The following TP53I13 variants were observed in gnomAD, a reference collection of about 807,000 sequenced individuals.
TP53I13 encodes the protein tumor protein p53 inducible protein 13.
In TP53I13, 27 loss-of-function variants were observed where a neutral mutation model predicts 39.1. The ratio of observed to expected loss-of-function variants is 0.69; its 90% CI spans 0.51 to 0.95. The LOEUF (loss-of-function observed/expected upper bound fraction) is 0.95. Ranked by LOEUF, TP53I13 falls within the 40% of genes least tolerant of loss-of-function variation. TP53I13 has a pLI of 0.00. For synonymous variants in TP53I13, 230 were observed against 224.6 expected (o/e 1.02, Z -0.22); for missense variants, 544 against 520.4 (o/e 1.05, Z -0.44).
At chr17:29,566,704 C>G (rs1019309102), upstream of TP53I13, 1 of 1,582,338 alleles carries the variant, frequency 6.3e-7, no homozygotes, top group Non-Finnish European at 8.5e-7. Flanking sequence ...CTCTGAGCGC[C>G]GCAGGGCGCG....
chr17:29,576,117 G>A (rs1598564795), downstream of TP53I13: 6 of 1,613,760 alleles, frequency 3.7e-6, no homozygotes, highest in South Asian at 1.1e-5. Context: ...AATAGATGGC[G>A]TCGTCCTCTA....
At chr17:29,566,355 GGGGCTGACCAGTGGGCAACCGT>G (rs778740691), upstream of TP53I13, 1 of 1,610,978 alleles carries the variant, frequency 6.2e-7, no homozygotes, top group Non-Finnish European at 8.5e-7. Context: ...GCTGCAGCCG[GGGGCTGACCAGTGGGCAACCGT>G]GGTGGCCGCG....
intron 3 of TP53I13, chr17:29,569,894 C>A (rs1212761150): frequency 6.6e-6 from 1 of 152,156 alleles, no homozygotes; most frequent in Non-Finnish European, 1.5e-5. Flanking sequence ...ATCGCCAGCT[C>A]CTCTGAATTT....
chr17:29,571,666 GCTTGTATGGCTAA>G lies in TP53I13; in HGVS notation c.261_273del (p.Cys88LeufsTer17). ...GCTCCAGCTTGCCCTCCTGGCCTAT[GCTTGTATGGCTAA>G]CCCTTCCCTCACCCCTGACTTCAGC... On this transcript the variant is annotated frameshift_variant, in exon 4 of 7. Transcript: ENST00000301057. LOFTEE classifies it high-confidence loss of function. 6.2e-7 allele frequency: 1 copy of G among 1,614,180 alleles called. No homozygotes were observed. The highest frequency in any genetic ancestry group is 8.5e-7 in the Non-Finnish European group (1 of 1,180,030).
chr17:29,576,000 C>T (rs1270467999), downstream of TP53I13: 9 of 1,563,982 alleles, frequency 5.8e-6, no homozygotes, highest in Admixed American at 3.3e-5. The surrounding 1 kb of genome is among the most constrained non-coding windows in gnomAD (Gnocchi z 5.5). Flanking sequence ...TCTTAAGCCC[C>T]GAATTCAGCA....
chr17:29,569,407 C>T (rs1315672086), intron 3 of TP53I13, 48 bp downstream of exon 3: 1 of 1,593,644 alleles, frequency 6.3e-7, no homozygotes, highest in African/African-American at 1.3e-5. Context: ...CGCCTGGAGA[C>T]AGGCGCTCCT....
the TP53I13 span, chr17:29,581,768 G>A: frequency 6.2e-7 from 1 of 1,611,088 alleles, no homozygotes; most frequent in South Asian, 1.1e-5. This position sits in a 1 kb window ranked among gnomAD's most constrained non-coding sequence, Gnocchi z 4.8. Flanking sequence ...GAGGTAGAAG[G>A]CCAGCCGGTC....
Position 29,572,986 on chromosome 17 carries a change from G to A in TP53I13, c.*62G>A. 7.7e-7 allele frequency: 1 copy of A among 1,305,556 alleles called. No individual in the cohort carries two copies. Among genetic ancestry groups the A allele is most frequent in the Non-Finnish European group, 9.8e-7 (1 of 1,017,312 alleles). The allele number at this position is 1,305,556 out of a possible 1,614,324, so 80.9% of individuals were successfully genotyped here. A position where few individuals can be genotyped will look rare whatever the true frequency, so the allele number is the denominator to read the frequency against. ...CCCGCGCCGCGAGGCCGCGACCTCTGCCACGTGGACCGCGCGCGGGGCGCT... is the reference window on the plus strand; with the variant it reads ...CCCGCGCCGCGAGGCCGCGACCTCTACCACGTGGACCGCGCGCGGGGCGCT... On this transcript the variant is annotated 3_prime_UTR_variant, in exon 7 of 7. Transcript: ENST00000301057.
downstream of TP53I13, chr17:29,574,608 G>A (rs780439070): frequency 1.9e-6 from 2 of 1,070,062 alleles, no homozygotes; most frequent in Non-Finnish European, 2.9e-6. Context: ...ACTTGTGCCA[G>A]TGGCTCTGTT....
At chr17:29,575,052 T>C, downstream of TP53I13, 1 of 1,556,522 alleles carries the variant, frequency 6.4e-7, no homozygotes. The surrounding 1 kb of genome is among the most constrained non-coding windows in gnomAD (Gnocchi z 5.5). Flanking sequence ...GCCCTCCCAC[T>C]CCTGGTCCTC....
chr17:29,567,700 TG>T (rs1317329162), upstream of TP53I13, among the ~76,000 whole-genome samples: 13 of 151,438 alleles, frequency 8.6e-5, no homozygotes, highest in African/African-American at 3.2e-4. The surrounding 1 kb of genome is among the most constrained non-coding windows in gnomAD (Gnocchi z 6.6). Context: ...AGCCCGGGAG[TG>T]GCTTCCCCAG....
chr17:29,574,687 G>A (rs764101068), downstream of TP53I13: 69 of 1,596,244 alleles, frequency 4.3e-5, no homozygotes, highest in African/African-American at 6.7e-5. Flanking sequence ...GCAGGTGAGG[G>A]TGTGGGGAGA....
chr17:29,575,825 C>T (rs1256304192), downstream of TP53I13: 35 of 1,612,568 alleles, frequency 2.2e-5, no homozygotes, highest in Non-Finnish European at 2.8e-5. This position sits in a 1 kb window ranked among gnomAD's most constrained non-coding sequence, Gnocchi z 5.5. Context: ...GTGGCGGCTT[C>T]CCTCCTGGGA....
At chr17:29,582,096 G>A in the TP53I13 span, 1 of 1,602,900 alleles carries the variant, frequency 6.2e-7, no homozygotes, top group Non-Finnish European at 8.5e-7. Flanking sequence ...AGGGAGAGCA[G>A]GCGCAGACAT....
chr17:29,566,952 G>A (rs535892832), upstream of TP53I13: 6 of 1,390,160 alleles, frequency 4.3e-6, no homozygotes, highest in South Asian at 8.1e-5. Flanking sequence ...CGAGGGCGGC[G>A]CCCCACGGCG....
chr17:29,568,189 G>A (rs1438981988), upstream of TP53I13: 1 of 152,220 alleles, frequency 6.6e-6, no homozygotes, highest in Non-Finnish European at 1.5e-5. This position sits in a 1 kb window ranked among gnomAD's most constrained non-coding sequence, Gnocchi z 4.5. Flanking sequence ...CGGGAGCGGG[G>A]TGGGCCGACG....
the TP53I13 span, chr17:29,581,302 A>G: frequency 1.3e-6 from 2 of 1,561,900 alleles, no homozygotes; most frequent in Admixed American, 1.7e-5. This position sits in a 1 kb window ranked among gnomAD's most constrained non-coding sequence, Gnocchi z 4.8. Flanking sequence ...ATGGCATCCA[A>G]CAGCCTCTGG....
the TP53I13 span, chr17:29,578,825 A>G: frequency 6.3e-7 from 1 of 1,593,788 alleles, no homozygotes. Context: ...GAGAGACCTG[A>G]GAGGTGGCCA....
At chr17:29,578,362 G>C in the TP53I13 span, 1 of 1,614,116 alleles carries the variant, frequency 6.2e-7, no homozygotes, top group African/African-American at 1.3e-5. Context: ...TCAAAAAGCC[G>C]GTTGCTGAGC....
Sources: allele counts gnomAD v4.1 joint callset (sites outside exome capture counted in the v4.1 genomes callset), GRCh38; gene constraint gnomAD v4.1.1; non-coding constraint Gnocchi (gnomAD v3.1); transcripts MANE v1.5; gene names NCBI Gene and HGNC (gene_info 2026-07-23, HGNC 2026-07-21).